The following CDS2 variants were observed in gnomAD, a reference collection of about 807,000 sequenced individuals.
CDS2 encodes the protein phosphatidate cytidylyltransferase 2.
A neutral mutation model predicts 59.0 loss-of-function variants in CDS2; 47 were observed. That is an observed-to-expected ratio of 0.80 (90% confidence interval 0.63 to 1.02). CDS2 has a LOEUF of 1.02. CDS2 is among the 50% of genes least tolerant of loss of function. The pLI, the probability that CDS2 is intolerant of heterozygous loss-of-function variation, is 0.00. For synonymous variants in CDS2, 207 were observed against 206.4 expected (o/e 1.00, Z -0.02); for missense variants, 356 against 558.9 (o/e 0.64, Z 3.66).
At chr20:5,160,101 A>G (rs565969091) in intron 1 of CDS2, among the ~76,000 whole-genome samples, 1 of 152,294 alleles carries the variant, frequency 6.6e-6, no homozygotes, top group South Asian at 2.1e-4. Flanking sequence ...CTGCCATTTG[A>G]TGCTGCGAGA....
intron 1 of CDS2, among the ~76,000 whole-genome samples, chr20:5,146,657 A>G (rs1051100780): frequency 6.6e-6 from 1 of 152,226 alleles, no homozygotes; most frequent in African/African-American, 2.4e-5. Flanking sequence ...TCTTTTATGA[A>G]ATAACTACCA....
chr20:5,147,105 G>C (rs1047244339), intron 1 of CDS2, among the ~76,000 whole-genome samples: 1 of 152,218 alleles, frequency 6.6e-6, no homozygotes, highest in Non-Finnish European at 1.5e-5. Flanking sequence ...TCCCTCCTGA[G>C]GGGTCATGTG....
chr20:5,189,244 C>T (rs1042026978), intron 11 of CDS2, 58 bp downstream of exon 11: 52 of 1,604,912 alleles, frequency 3.2e-5, no homozygotes, highest in Non-Finnish European at 3.8e-5. Flanking sequence ...TTCTGCCTTT[C>T]TCCCCCTTCC....
intron 1 of CDS2, among the ~76,000 whole-genome samples, chr20:5,167,000 GAGATGAGA>G (rs2090918092): frequency 6.6e-6 from 1 of 152,144 alleles, no homozygotes; most frequent in South Asian, 2.1e-4. Context: ...GTGAGGGAGA[GAGATGAGA>G]AGATGGAGAG....
intron 3 of CDS2, chr20:5,175,605 G>A (rs1378845406): frequency 9.7e-6 from 2 of 206,112 alleles, no homozygotes; most frequent in South Asian, 6.1e-5. Flanking sequence ...GACCAACATG[G>A]TGAAACCCTG....
Position 5,196,014 on chromosome 20 carries a change from A to C in CDS2, c.*5780A>C, listed in dbSNP as rs963901779. ...TCACTTTGAAGGAATGGTGTTGGCT[A>C]ACAGGATCCATGAAATTCCTAGGTC... On this transcript the variant is annotated 3_prime_UTR_variant, in exon 13 of 13. Coordinates refer to ENST00000460006, the MANE Select transcript of CDS2 (RefSeq NM_003818.4). The C allele has an allele frequency of 6.6e-6, 1 of 152,190 alleles. No homozygotes were observed. Among genetic ancestry groups the C allele is most frequent in the African/African-American group, 2.4e-5 (1 of 41,442 alleles). 9.4% of individuals were successfully genotyped at this position (152,190 alleles called of 1,614,324 possible). A position where few individuals can be genotyped will look rare whatever the true frequency, so the allele number is the denominator to read the frequency against.
Position 5,180,684 on chromosome 20 carries a change from G to A in CDS2, c.530-1703G>A, listed in dbSNP as rs556932301. The stretch of plus-strand genomic sequence containing the variant: ...ATCCTGTGACTTAGAATACCTAACC[G>A]TCTGGGAATGCAGACCCTGTAGATC... On this transcript the variant is annotated intron_variant, in intron 5 of 12. Transcript: ENST00000460006. Among the ~76,000 whole-genome samples the A allele has an allele frequency of 1.4e-4, 21 of 152,178 alleles. No individual in the cohort carries two copies. The South Asian group carries it at 3.7e-3, about 27-fold the overall frequency.
At chr20:5,136,692 A>G (rs1398749440) in intron 1 of CDS2, among the ~76,000 whole-genome samples, 1 of 151,930 alleles carries the variant, frequency 6.6e-6, no homozygotes, top group African/African-American at 2.4e-5. Flanking sequence ...AAACTGCCCT[A>G]ATAATTATTG....
chr20:5,152,402 T>C lies in CDS2; in HGVS notation c.58-21121T>C, dbSNP rs373229312. Among the ~76,000 whole-genome samples, 15 of 152,336 alleles carry C rather than the reference T, an allele frequency of 9.8e-5. No individual in the cohort carries two copies. The East Asian group carries it at 2.9e-3, about 29-fold the overall frequency. On this transcript the variant is annotated intron_variant, in intron 1 of 12. Transcript: ENST00000460006. Reference sequence around the variant, plus strand: ...ATTTCCTGTTTATCTTGGTGTACTTTCGTTTCATCTTTAGTTTGGATACTC... The same window carrying C: ...ATTTCCTGTTTATCTTGGTGTACTTCCGTTTCATCTTTAGTTTGGATACTC...
intron 1 of CDS2, among the ~76,000 whole-genome samples, chr20:5,153,908 T>C (rs73061801): frequency 2.0e-5 from 3 of 152,314 alleles, no homozygotes; most frequent in South Asian, 4.1e-4. Context: ...TTGGAAACTT[T>C]CATGATATTT....
chr20:5,180,135 G>A (rs112346106), intron 5 of CDS2, among the ~76,000 whole-genome samples: 100 of 152,276 alleles, frequency 6.6e-4, no homozygotes, highest in African/African-American at 2.2e-3. Flanking sequence ...GAGGATCTCC[G>A]CATGTTTATG....
intron 1 of CDS2, among the ~76,000 whole-genome samples, chr20:5,172,748 T>A (rs927147611): frequency 6.6e-6 from 1 of 152,212 alleles, no homozygotes. Flanking sequence ...CTCCTCCACC[T>A]CTTCTCATAG....
intron 11 of CDS2, 48 bp from the exon 12 acceptor site, chr20:5,189,687 G>A (rs1202329160): frequency 7.0e-7 from 1 of 1,421,880 alleles, no homozygotes; most frequent in South Asian, 1.2e-5. Flanking sequence ...GCTGGGATTG[G>A]TTAGTGGCTG....
At chr20:5,167,578 A>C (rs1000953829) in intron 1 of CDS2, among the ~76,000 whole-genome samples, 1 of 152,172 alleles carries the variant, frequency 6.6e-6, no homozygotes, top group Non-Finnish European at 1.5e-5. Flanking sequence ...TTTCAGTAGG[A>C]ACTCAGATGA....
chr20:5,197,239 T>G lies in CDS2; in HGVS notation c.*7005T>G, dbSNP rs1029378293. The G allele has an allele frequency of 1.5e-5, 2 of 137,162 alleles. No homozygotes were observed. The highest frequency in any genetic ancestry group is 2.7e-5 in the African/African-American group (1 of 37,566). 8.5% of individuals were successfully genotyped at this position (137,162 alleles called of 1,614,324 possible). On this transcript the variant is annotated 3_prime_UTR_variant, in exon 13 of 13. Coordinates refer to ENST00000460006, the MANE Select transcript of CDS2 (RefSeq NM_003818.4). ...GATCTTGGGAACCTTGGTGGTTTTT[T>G]TTTTTTTTTTGGTTTTTTTTTTTTG... is the stretch of plus-strand genomic sequence containing the variant.
In CDS2 at chr20:5,197,362, C is replaced by T. The variant is rs1343209507; in HGVS notation, c.*7128C>T. 1 of 151,608 alleles carries T rather than the reference C, an allele frequency of 6.6e-6. No homozygotes were observed. The highest frequency in any genetic ancestry group is 1.5e-5 in the Non-Finnish European group (1 of 67,954). The allele number at this position is 151,608 out of a possible 1,614,324, so 9.4% of individuals were successfully genotyped here. ...GGGCCTCCCCACCTGCTTTGGGGAG[C>T]TGTCTGTGCTGGGAGTGCCAGGCAT... On this transcript the variant is annotated 3_prime_UTR_variant, in exon 13 of 13. Coordinates refer to ENST00000460006, the MANE Select transcript of CDS2 (RefSeq NM_003818.4).
In CDS2 at chr20:5,195,708, T is replaced by C. The variant is rs1190476051; in HGVS notation, c.*5474T>C. 1 of 152,220 alleles carries C rather than the reference T, an allele frequency of 6.6e-6. No individual in the cohort carries two copies. The highest frequency in any genetic ancestry group is 1.9e-4 in the East Asian group (1 of 5,190). The allele number at this position is 152,220 out of a possible 1,614,324, so 9.4% of individuals were successfully genotyped here. ...CAGAAACCTGCTTTGTAGGGGATTA[T>C]GTAGACTAAAAGCCTAGAAGTTCTG... On this transcript the variant is annotated 3_prime_UTR_variant, in exon 13 of 13. Transcript: ENST00000460006.
rs374263624 is a variant in CDS2 at position 5,130,329 on chromosome 20, C to G, written c.57+3180C>G. ...ATTCTGTTTCATAGTTTGGGAAACA[C>G]CTACTTCCATGACTTTGGCTTTGCC... is the stretch of plus-strand genomic sequence containing the variant. On this transcript the variant is annotated intron_variant, in intron 1 of 12. Coordinates refer to ENST00000460006, the MANE Select transcript of CDS2 (RefSeq NM_003818.4). Among the ~76,000 whole-genome samples the G allele has an allele frequency of 2.4e-4, 37 of 152,292 alleles. 2 individuals carry two copies. Among genetic ancestry groups the G allele is most frequent in the Admixed American group, 1.0e-3 (16 of 15,294 alleles).
chr20:5,189,868 G>A (rs371748715), intron 12 of CDS2, 30 bp downstream of exon 12: 2 of 1,560,912 alleles, frequency 1.3e-6, no homozygotes, highest in African/African-American at 2.7e-5. Flanking sequence ...GAACCAAGTT[G>A]GTGGATTTTT....
Sources: allele counts gnomAD v4.1 joint callset (sites outside exome capture counted in the v4.1 genomes callset), GRCh38; gene constraint gnomAD v4.1.1; transcripts MANE v1.5; gene names NCBI Gene and HGNC (gene_info 2026-07-23, HGNC 2026-07-21).